KIF5C: variants seen among roughly 807,000 people sequenced by gnomAD.
The protein encoded by KIF5C is kinesin heavy chain isoform 5C.
KIF5C carries 18 observed loss-of-function variants against 125.2 expected under a neutral mutation model. That is an observed-to-expected ratio of 0.14 (90% CI 0.10 to 0.21). The LOEUF is 0.21. Among genes scored for constraint, KIF5C ranks in the 10% least tolerant of loss-of-function variants. The probability of loss-of-function intolerance (pLI) is 1.00; values close to 1 mark genes in which losing one functional copy is unlikely to be tolerated. For missense variants in KIF5C, 780 were observed against 1,183.8 expected, an observed-to-expected ratio of 0.66 and a Z score of 5.01; for synonymous variants, 405 against 434.0, an observed-to-expected ratio of 0.93 and a Z score of 0.83.
At chr2:148,985,828 A>T (rs1681368521) in intron 15 of KIF5C, among the ~76,000 whole-genome samples, 1 of 152,240 alleles carries the variant, frequency 6.6e-6, no homozygotes, top group Admixed American at 6.5e-5. Flanking sequence ...AACAGGTCCC[A>T]GCTTAGAGTA....
chr2:148,892,406 C>T (rs1443169655), intron 1 of KIF5C, among the ~76,000 whole-genome samples: 2 of 152,158 alleles, frequency 1.3e-5, no homozygotes, highest in Admixed American at 6.5e-5. Flanking sequence ...TTTGTTGTTC[C>T]CATTAGCAAC....
intron 12 of KIF5C, among the ~76,000 whole-genome samples, chr2:148,975,619 C>G (rs867042417): frequency 6.6e-6 from 1 of 152,200 alleles, no homozygotes; most frequent in Non-Finnish European, 1.5e-5. Flanking sequence ...AAAGACCACA[C>G]GGTTTCCTCC....
intron 1 of KIF5C, among the ~76,000 whole-genome samples, chr2:148,893,335 A>C (rs1262279458): frequency 6.6e-6 from 1 of 152,184 alleles, no homozygotes; most frequent in East Asian, 1.9e-4. Context: ...TCTTTTGCTC[A>C]CTAAAATAAG....
intron 1 of KIF5C, among the ~76,000 whole-genome samples, chr2:148,917,746 TGA>T (rs2105076328): frequency 6.6e-6 from 1 of 152,252 alleles, no homozygotes; most frequent in Non-Finnish European, 1.5e-5. Flanking sequence ...TTCCACAGAG[TGA>T]GTTTAAATCT....
chr2:148,961,287 G>A (rs970959215), intron 10 of KIF5C, among the ~76,000 whole-genome samples: 4 of 152,138 alleles, frequency 2.6e-5, no homozygotes, highest in East Asian at 3.9e-4. Context: ...TGGTGATGAC[G>A]GGCTGTGATG....
intron 1 of KIF5C, among the ~76,000 whole-genome samples, 158 bp downstream of exon 1, chr2:148,875,901 C>G (rs1681169903): frequency 6.7e-6 from 1 of 150,292 alleles, no homozygotes; most frequent in Non-Finnish European, 1.5e-5. Flanking sequence ...GCCCCGCGCA[C>G]TATGGTTCCC....
intron 1 of KIF5C, among the ~76,000 whole-genome samples, chr2:148,900,331 C>T (rs1054112303): frequency 5.9e-5 from 9 of 152,294 alleles, no homozygotes; most frequent in South Asian, 2.1e-4. Flanking sequence ...TTAAAGCTTA[C>T]AGTCCAGTGA....
chr2:148,889,188 A>G (rs1208189917), intron 1 of KIF5C, among the ~76,000 whole-genome samples: 1 of 152,222 alleles, frequency 6.6e-6, no homozygotes, highest in East Asian at 1.9e-4. Context: ...TCAGGAATGT[A>G]TGAGTGTCCC....
chr2:148,973,188 A>G, intron 11 of KIF5C, 148 bp from the exon 12 acceptor site: 1 of 1,178,180 alleles, frequency 8.5e-7, no homozygotes, highest in Non-Finnish European at 1.1e-6. Context: ...CTTGTCAAAT[A>G]GAAGGAACAC....
chr2:148,937,512 C>T, intron 4 of KIF5C, 124 bp downstream of exon 4: 1 of 1,346,218 alleles, frequency 7.4e-7, no homozygotes, highest in Non-Finnish European at 9.8e-7. Flanking sequence ...TTGTGGTAAG[C>T]AGAGCCCTCT....
intron 1 of KIF5C, among the ~76,000 whole-genome samples, chr2:148,912,476 G>A (rs1681379669): frequency 1.3e-5 from 2 of 152,346 alleles, no homozygotes; most frequent in South Asian, 4.1e-4. Flanking sequence ...TCAGGGTCTT[G>A]CTCTGTGGCC....
intron 1 of KIF5C, among the ~76,000 whole-genome samples, chr2:148,910,366 C>T (rs1210779017): frequency 6.6e-6 from 1 of 152,202 alleles, no homozygotes; most frequent in East Asian, 1.9e-4. Context: ...TGAACCTGAC[C>T]TTGTCACTTG....
At chr2:149,000,959 C>CA (rs2105186928) in intron 21 of KIF5C, among the ~76,000 whole-genome samples, 177 bp downstream of exon 21, 1 of 152,312 alleles carries the variant, frequency 6.6e-6, no homozygotes, top group African/African-American at 2.4e-5. Context: ...CAGAATCAGT[C>CA]AACCAATCCA....
At chr2:148,945,284 T>TTATATGTAGGTATTG (rs1301638249) in intron 7 of KIF5C, among the ~76,000 whole-genome samples, 1 of 152,204 alleles carries the variant, frequency 6.6e-6, no homozygotes, top group African/African-American at 2.4e-5. Flanking sequence ...TGTAGGTATT[T>TTATATGTAGGTATTG]GATCCTTTTG....
intron 25 of KIF5C, 31 bp downstream of exon 25, chr2:149,011,714 T>A: frequency 6.2e-7 from 1 of 1,613,458 alleles, no homozygotes. Flanking sequence ...GGTTTCTCTA[T>A]CTGGAGGCAG....
chr2:148,895,619 C>T (rs994426957), intron 1 of KIF5C, among the ~76,000 whole-genome samples: 5 of 152,004 alleles, frequency 3.3e-5, no homozygotes, highest in South Asian at 2.1e-4. Flanking sequence ...ACATAGCTTA[C>T]GTAAATTCTA....
intron 12 of KIF5C, among the ~76,000 whole-genome samples, chr2:148,975,042 C>T (rs866111158): frequency 6.6e-6 from 1 of 152,176 alleles, no homozygotes; most frequent in Non-Finnish European, 1.5e-5. Context: ...TGAGAGTCTC[C>T]GTCTCCTGAT....
At chr2:148,891,335 C>T (rs551048797) in intron 1 of KIF5C, among the ~76,000 whole-genome samples, 11 of 151,948 alleles carry the variant, frequency 7.2e-5, no homozygotes, top group African/African-American at 2.4e-4. Flanking sequence ...CTTAGGAGGA[C>T]CATATTTAGA....
At chr2:148,949,811 G>T (rs754137430) in intron 8 of KIF5C, 28 bp from the exon 9 acceptor site, 10 of 1,611,080 alleles carry the variant, frequency 6.2e-6, no homozygotes, top group South Asian at 1.1e-5. Flanking sequence ...GTCCTGTGCT[G>T]CTCACTGCTT....
Sources: gnomAD v4.1 joint callset for allele counts (sites outside exome capture counted in the v4.1 genomes callset) on GRCh38, gnomAD v4.1.1 for gene constraint, MANE v1.5 for transcripts, NCBI Gene and HGNC (gene_info 2026-07-23, HGNC 2026-07-21) for gene names.